The following ALOX5AP variants were observed in gnomAD, a reference collection of about 807,000 sequenced individuals.
ALOX5AP encodes the protein arachidonate 5-lipoxygenase-activating protein.
Under a neutral mutation model 18.5 loss-of-function variants are expected in ALOX5AP, and 9 were observed. That is an observed-to-expected ratio of 0.49 (90% CI 0.29 to 0.85). The LOEUF is 0.85. Among genes scored for constraint, ALOX5AP ranks in the 40% least tolerant of loss-of-function variants. ALOX5AP has a pLI of 0.08. For synonymous variants in ALOX5AP, 81 were observed against 78.6 expected, an observed-to-expected ratio of 1.03 and a Z score of -0.16; for missense variants, 172 against 202.5, an observed-to-expected ratio of 0.85 and a Z score of 0.91.
chr13:30,742,624 G>T (rs1566084788), intron 1 of ALOX5AP: 1 of 152,062 alleles, frequency 6.6e-6, no homozygotes. Flanking sequence ...ACTCAAAGTG[G>T]GCACATTCCT....
At chr13:30,723,504 A>G (rs1205875147) in intron 1 of ALOX5AP, among the ~76,000 whole-genome samples, 3 of 152,214 alleles carry the variant, frequency 2.0e-5, no homozygotes, top group Non-Finnish European at 4.4e-5. Flanking sequence ...ATAATAAAGT[A>G]TTTGTGTACT....
At chr13:30,753,714 G>T (rs2137824934) in intron 3 of ALOX5AP, among the ~76,000 whole-genome samples, 1 of 152,322 alleles carries the variant, frequency 6.6e-6, no homozygotes, top group East Asian at 1.9e-4. Flanking sequence ...GGCTGGATTT[G>T]TACCCTCCTG....
upstream of ALOX5AP, among the ~76,000 whole-genome samples, chr13:30,733,481 A>C (rs1166123523): frequency 6.6e-6 from 1 of 152,246 alleles, no homozygotes; most frequent in Middle Eastern, 3.2e-3. Context: ...ACCAAACTGC[A>C]GGTATGAATT....
At position 30,743,974 on chromosome 13, in the gene ALOX5AP, G is replaced by A. The variant is rs969653636; in HGVS notation, c.71-86G>A. The A allele has an allele frequency of 1.7e-5, 19 of 1,112,286 alleles. No homozygotes were observed. In the African/African-American group the frequency reaches 2.5e-4, roughly 15 times the overall value. The allele number at this position is 1,112,286 out of a possible 1,614,324, so 68.9% of individuals were successfully genotyped here. A position where few individuals can be genotyped will look rare whatever the true frequency, so the allele number is the denominator to read the frequency against. On this transcript the variant is annotated intron_variant, in intron 1 of 4. Coordinates refer to ENST00000380490, the MANE Select transcript of ALOX5AP (RefSeq NM_001629.4). ...GTTGCTTGGAGGTCAAGTCAAGGAGGCATTTAACATTCTAGTAAAACAAGG... is the reference window on the plus strand; with the variant it reads ...GTTGCTTGGAGGTCAAGTCAAGGAGACATTTAACATTCTAGTAAAACAAGG...
At chr13:30,725,460 G>A (rs1052818052) in intron 1 of ALOX5AP, among the ~76,000 whole-genome samples, 7 of 152,244 alleles carry the variant, frequency 4.6e-5, no homozygotes, top group African/African-American at 2.4e-5. Context: ...GCAGGGCTAT[G>A]TATGGACACA....
At chr13:30,759,484 C>T (rs941302598) in intron 4 of ALOX5AP, among the ~76,000 whole-genome samples, 7 of 152,296 alleles carry the variant, frequency 4.6e-5, no homozygotes, top group Admixed American at 4.6e-4. Context: ...AGGTCAGTTG[C>T]TGAAGGAGTA....
At chr13:30,735,829 G>T (rs1314217993) in intron 1 of ALOX5AP, among the ~76,000 whole-genome samples, 154 bp downstream of exon 1, 3 of 152,156 alleles carry the variant, frequency 2.0e-5, no homozygotes, top group Non-Finnish European at 4.4e-5. Flanking sequence ...AATGTATAGG[G>T]TTGTGTGTAT....
intron 1 of ALOX5AP, among the ~76,000 whole-genome samples, chr13:30,718,382 CATATATATATATATAT>C (rs59562797): frequency 7.2e-6 from 1 of 139,732 alleles, no homozygotes; most frequent in Non-Finnish European, 1.5e-5. Context: ...CACAGATATG[CATATATATATATATAT>C]ATATATATGC....
intron 1 of ALOX5AP, among the ~76,000 whole-genome samples, chr13:30,724,234 T>C (rs112193040): frequency 6.6e-6 from 1 of 152,244 alleles, no homozygotes; most frequent in Admixed American, 6.5e-5. Flanking sequence ...CTCAGTGTAA[T>C]GTTTTTGAGA....
chr13:30,716,494 C>T (rs1409220749), intron 1 of ALOX5AP, among the ~76,000 whole-genome samples: 1 of 152,208 alleles, frequency 6.6e-6, no homozygotes, highest in African/African-American at 2.4e-5. Flanking sequence ...CAGATTCCGA[C>T]ATTATTTGTA....
At chr13:30,742,907 C>T (rs1951779201) in intron 1 of ALOX5AP, among the ~76,000 whole-genome samples, 1 of 133,826 alleles carries the variant, frequency 7.5e-6, no homozygotes, top group African/African-American at 2.8e-5. Flanking sequence ...ACCCTCCAGA[C>T]TGTGTCTCCT....
chr13:30,736,482 GTGTT>G (rs1158175644), intron 1 of ALOX5AP, among the ~76,000 whole-genome samples: 22 of 152,258 alleles, frequency 1.4e-4, no homozygotes, highest in African/African-American at 5.1e-4. Context: ...CAGTGGCTTT[GTGTT>G]TTATATTTAT....
At chr13:30,719,305 C>G (rs1467852673) in intron 1 of ALOX5AP, among the ~76,000 whole-genome samples, 2 of 152,204 alleles carry the variant, frequency 1.3e-5, no homozygotes, top group Non-Finnish European at 2.9e-5. Context: ...TGATGACTCT[C>G]TAGGCTAGGA....
rs995125178 is a variant in ALOX5AP at position 30,750,296 on chromosome 13, A to G, written c.171-1756A>G. 1.1e-4 allele frequency among the ~76,000 whole-genome samples: 16 copies of G among 152,168 alleles called. No individual in the cohort carries two copies. The East Asian group carries it at 1.5e-3, about 15-fold the overall frequency. On this transcript the variant is annotated intron_variant, in intron 2 of 4. Transcript: ENST00000380490. Reference sequence around the variant, plus strand: ...TAAATCCAGAGAGATTGTTTTGCCAATGGTGAACAGCTGGTTAAAGTCAGG... The same window carrying G: ...TAAATCCAGAGAGATTGTTTTGCCAGTGGTGAACAGCTGGTTAAAGTCAGG...
chr13:30,715,661 A>G (rs921801547), intron 1 of ALOX5AP, among the ~76,000 whole-genome samples: 6 of 152,310 alleles, frequency 3.9e-5, no homozygotes, highest in African/African-American at 1.4e-4. Flanking sequence ...AACCCTGTGG[A>G]GGCCACATTC....
intron 1 of ALOX5AP, among the ~76,000 whole-genome samples, chr13:30,714,027 C>A (rs1951529724): frequency 6.6e-6 from 1 of 152,156 alleles, no homozygotes; most frequent in Non-Finnish European, 1.5e-5. Flanking sequence ...AACCAAATTT[C>A]TTCTAGAATT....
intron 4 of ALOX5AP, among the ~76,000 whole-genome samples, chr13:30,757,121 A>C (rs1282715205): frequency 6.6e-6 from 1 of 152,188 alleles, no homozygotes; most frequent in Non-Finnish European, 1.5e-5. Flanking sequence ...CCAGCCTTCC[A>C]CACCATTTTC....
In ALOX5AP at chr13:30,713,867, C is replaced by T. The variant is rs772584400; in HGVS notation, c.116+26C>T. 3.7e-5 allele frequency: 56 copies of T among 1,531,818 alleles called. No individual in the cohort carries two copies. The South Asian group carries it at 4.1e-4, about 11-fold the overall frequency. 94.9% of individuals were successfully genotyped at this position (1,531,818 alleles called of 1,614,324 possible). ...GTGTGTGTGTGTGTGCGCGCACACGCGCATGTGTGTGCATCTTCTACCATG... is the reference window on the plus strand; with the variant it reads ...GTGTGTGTGTGTGTGCGCGCACACGTGCATGTGTGTGCATCTTCTACCATG... On this transcript the variant is annotated intron_variant, in intron 1 of 5. Transcript: ENST00000617770.
At chr13:30,753,708 G>A (rs1951870141) in intron 3 of ALOX5AP, among the ~76,000 whole-genome samples, 1 of 152,174 alleles carries the variant, frequency 6.6e-6, no homozygotes, top group African/African-American at 2.4e-5. Flanking sequence ...TTTAGGGGCT[G>A]GATTTGTACC....
Sources: allele counts gnomAD v4.1 joint callset (sites outside exome capture counted in the v4.1 genomes callset), GRCh38; gene constraint gnomAD v4.1.1; transcripts MANE v1.5; gene names NCBI Gene and HGNC (gene_info 2026-07-23, HGNC 2026-07-21).